ANLN: variants seen among roughly 807,000 people sequenced by gnomAD.
ANLN encodes the protein anillin.
In ANLN, 59 loss-of-function variants were observed where a neutral mutation model predicts 135.1. That is an observed-to-expected ratio of 0.44 (90% CI 0.35 to 0.54). The LOEUF (loss-of-function observed/expected upper bound fraction) is 0.54, where lower values mean the gene tolerates loss of function less well. Ranked by LOEUF, ANLN falls within the 20% of genes least tolerant of loss-of-function variation. The pLI is 0.00. For synonymous variants in ANLN, 406 were observed against 456.4 expected, an observed-to-expected ratio of 0.89 and a Z score of 1.41; for missense variants, 1,182 against 1,340.0, an observed-to-expected ratio of 0.88 and a Z score of 1.84.
intron 2 of ANLN, among the ~76,000 whole-genome samples, chr7:36,396,954 C>T (rs995367618): frequency 6.6e-6 from 1 of 152,108 alleles, no homozygotes; most frequent in Non-Finnish European, 1.5e-5. Context: ...TACACACAAA[C>T]AAAAACTCAC....
At chr7:36,427,139 CAT>C (rs1234451316) in intron 20 of ANLN, 111 bp downstream of exon 20, 3 of 622,512 alleles carry the variant, frequency 4.8e-6, no homozygotes, top group African/African-American at 3.8e-5. Flanking sequence ...CGACTGAAAA[CAT>C]ATGTTCTTAG....
intron 19 of ANLN, among the ~76,000 whole-genome samples, chr7:36,426,502 G>A (rs1788083259): frequency 6.6e-6 from 1 of 152,030 alleles, no homozygotes. Context: ...AATTAGGATG[G>A]AGCTGGTTTC....
intron 22 of ANLN, among the ~76,000 whole-genome samples, chr7:36,448,002 TA>T (rs1789084992): frequency 6.6e-6 from 1 of 151,974 alleles, no homozygotes; most frequent in Non-Finnish European, 1.5e-5. Context: ...TATATACATA[TA>T]TGTTTCACTT....
Position 36,449,847 on chromosome 7 carries a change from G to A in ANLN, c.3251+10G>A, listed in dbSNP as rs1174750152. ...CACTCTGTGTTACCAAGTATGTATT[G>A]GCCTATAAATATTTCTATCAACTAA... is the stretch of plus-strand genomic sequence containing the variant. On this transcript the variant is annotated intron_variant, in intron 23 of 23. Transcript: ENST00000265748. 7 of 1,608,390 alleles carry A rather than the reference G, an allele frequency of 4.4e-6. No individual in the cohort carries two copies. Among genetic ancestry groups the A allele is most frequent in the South Asian group, 1.1e-5 (1 of 90,404 alleles).
At chr7:36,393,749 A>G (rs761089082) in intron 1 of ANLN, among the ~76,000 whole-genome samples, 2 of 152,198 alleles carry the variant, frequency 1.3e-5, no homozygotes, top group African/African-American at 2.4e-5. Flanking sequence ...CTCTTGTCCA[A>G]TTAAAGCTGT....
intron 7 of ANLN, among the ~76,000 whole-genome samples, chr7:36,414,573 A>G (rs980037554): frequency 6.6e-6 from 1 of 152,182 alleles, no homozygotes; most frequent in Non-Finnish European, 1.5e-5. Flanking sequence ...GAAATACTGT[A>G]TGGAGGAAAG....
rs1026285901 is a variant in ANLN, at chr7:36,452,851, C to G, written c.*251C>G. The G allele has an allele frequency of 1.1e-5, 3 of 268,554 alleles. No individual in the cohort carries two copies. The highest frequency in any genetic ancestry group is 2.1e-5 in the Non-Finnish European group (3 of 144,640). 16.6% of individuals were successfully genotyped at this position (268,554 alleles called of 1,614,324 possible). A position where few individuals can be genotyped will look rare whatever the true frequency, so the allele number is the denominator to read the frequency against. ...ATCTTAATTTAAAAGCCTCATTTTCCTAGAAATCTAATTATTCAGTTATTC... is the reference window on the plus strand; with the variant it reads ...ATCTTAATTTAAAAGCCTCATTTTCGTAGAAATCTAATTATTCAGTTATTC... On this transcript the variant is annotated 3_prime_UTR_variant, in exon 24 of 24. Transcript: ENST00000265748.
At chr7:36,406,614 A>T (rs760946932) in intron 4 of ANLN, 48 bp downstream of exon 4, 2 of 1,460,420 alleles carry the variant, frequency 1.4e-6, no homozygotes, top group East Asian at 2.3e-5. Context: ...TTTTTTCGTT[A>T]TGAGTGGTAT....
At chr7:36,427,362 GT>G (rs1178488862) in intron 20 of ANLN, among the ~76,000 whole-genome samples, 4 of 149,420 alleles carry the variant, frequency 2.7e-5, no homozygotes, top group Non-Finnish European at 4.5e-5. Context: ...TTTCTTTGTG[GT>G]TTTTTTTGTT....
chr7:36,420,115 T>C, intron 10 of ANLN, 54 bp from the exon 11 acceptor site: 2 of 1,527,890 alleles, frequency 1.3e-6, no homozygotes, highest in East Asian at 4.5e-5. Flanking sequence ...TTTCACAGAA[T>C]AAAATGAATT....
intron 3 of ANLN, among the ~76,000 whole-genome samples, chr7:36,402,997 A>G (rs1156554052): frequency 1.3e-5 from 2 of 152,150 alleles, no homozygotes; most frequent in Non-Finnish European, 2.9e-5. Context: ...CATGCCTGTA[A>G]TCCCAGCTAC....
chr7:36,406,184 A>G lies in ANLN; in HGVS notation c.491A>G (p.Asp164Gly). 6.3e-7 allele frequency: 1 copy of G among 1,584,688 alleles called. No individual in the cohort carries two copies. The highest frequency in any genetic ancestry group is 2.3e-5 in the East Asian group (1 of 44,290). Residue 164 changes from aspartate (D) to glycine (G), a missense_variant, in exon 4 of 24, where the codon GAC (aspartate) becomes GGC (glycine). By Grantham distance (94) the Asp-to-Gly change is moderately conservative. Coordinates refer to ENST00000265748, the MANE Select transcript of ANLN (RefSeq NM_018685.5). ...TCTTTTCTGAAAACATTTTCAGATG[A>G]CATTCCTGAAAGCTCACTCTTCTCA... is the stretch of plus-strand genomic sequence containing the variant. ...RRWDNDDMTDDIPESSLFSPM... is the reference protein window; with the variant it reads ...RRWDNDDMTDGIPESSLFSPM...
rs759811031 is a variant in ANLN at position 36,396,324 on chromosome 7, G to T, written c.77G>T (p.Arg26Met). The T allele has an allele frequency of 1.2e-6, 2 of 1,606,914 alleles. No homozygotes were observed. Among genetic ancestry groups the T allele is most frequent in the South Asian group, 2.2e-5 (2 of 90,438 alleles). Residue 26 changes from arginine to methionine, a missense_variant, in exon 2 of 24, where the codon AGG (arginine) becomes ATG (methionine). Coordinates refer to ENST00000265748, the MANE Select transcript of ANLN (RefSeq NM_018685.5). ...AATCTTCAGAGAAAAATGGCTGAGA[G>T]GCCCACAGCAGCTCCAAGGTCTATG... ...RENLQRKMAERPTAAPRSMTH... is the reference protein window; with the variant it reads ...RENLQRKMAEMPTAAPRSMTH...
intron 3 of ANLN, 132 bp from the exon 4 acceptor site, chr7:36,406,049 C>A: frequency 1.5e-6 from 1 of 648,056 alleles, no homozygotes; most frequent in Non-Finnish European, 2.3e-6. Flanking sequence ...AAGTTTCATG[C>A]ATGCTAGAAC....
chr7:36,413,138 T>A (rs1787495076), intron 7 of ANLN, among the ~76,000 whole-genome samples: 1 of 150,932 alleles, frequency 6.6e-6, no homozygotes, highest in African/African-American at 2.4e-5. Context: ...AGAAATGCGT[T>A]TGCTGATCCT....
At chr7:36,416,628 A>C (rs1004990351) in intron 8 of ANLN, among the ~76,000 whole-genome samples, 15 of 152,206 alleles carry the variant, frequency 9.9e-5, no homozygotes, top group Admixed American at 7.2e-4. Context: ...TAAAGTAAAA[A>C]ACAAATTGCA....
chr7:36,442,688 G>A (rs1479505330), intron 21 of ANLN, among the ~76,000 whole-genome samples: 1 of 151,950 alleles, frequency 6.6e-6, no homozygotes, highest in Non-Finnish European at 1.5e-5. Flanking sequence ...CTGGAATGCA[G>A]TGACGTGATC....
At chr7:36,447,308 G>A (rs1327833814) in intron 22 of ANLN, among the ~76,000 whole-genome samples, 1 of 151,868 alleles carries the variant, frequency 6.6e-6, no homozygotes, top group Non-Finnish European at 1.5e-5. Flanking sequence ...TTCACTTAAA[G>A]GAAGCACTTT....
chr7:36,420,865 T>A, intron 12 of ANLN, 121 bp downstream of exon 12: 8 of 897,292 alleles, frequency 8.9e-6, no homozygotes, highest in Non-Finnish European at 3.4e-6. Context: ...TAGTGTCTGA[T>A]GCATAGAAGC....
Sources: gnomAD v4.1 joint callset for allele counts (sites outside exome capture counted in the v4.1 genomes callset) on GRCh38, gnomAD v4.1.1 for gene constraint, MANE v1.5 for transcripts, NCBI Gene and HGNC (gene_info 2026-07-23, HGNC 2026-07-21) for gene names.